Variants in ATXN1 observed in about 807,000 individuals in gnomAD.
ATXN1 encodes ataxin 1, also known as ataxin-1.
ATXN1 carries 8 observed loss-of-function variants against 56.4 expected under a neutral mutation model. The observed-to-expected ratio is 0.14, with a 90% CI of 0.08 to 0.26. The LOEUF (loss-of-function observed/expected upper bound fraction) is 0.26, where lower values mean the gene tolerates loss of function less well. Among genes scored for constraint, ATXN1 ranks in the 10% least tolerant of loss-of-function variants. ATXN1 has a pLI of 1.00. For synonymous variants in ATXN1, 514 were observed against 494.6 expected, an observed-to-expected ratio of 1.04 and a Z score of -0.52; for missense variants, 987 against 1,106.5, an observed-to-expected ratio of 0.89 and a Z score of 1.53.
intron 2 of ATXN1, among the ~76,000 whole-genome samples, chr6:16,745,956 G>GTA (rs1264483785): frequency 3.3e-5 from 5 of 151,800 alleles, no homozygotes; most frequent in Admixed American, 2.0e-4. Context: ...GTGTGTGTGT[G>GTA]TGTGTGTGTG....
In ATXN1 at chr6:16,325,322, TG is replaced by T. The variant is rs549285937; in HGVS notation, c.1917+1071del. On this transcript the variant is annotated intron_variant, in intron 7 of 7. Transcript: ENST00000436367. ...TAGTAGAGACAGGGTTTCACCATGT[TG>T]GCCAGGCCGGTCTCGAACTCCTGAC... Among the ~76,000 whole-genome samples, 281 of 152,152 alleles carry T rather than the reference TG, an allele frequency of 1.8e-3. 1 individual carries two copies. The highest frequency in any genetic ancestry group is 6.2e-3 in the African/African-American group (257 of 41,504).
At chr6:16,750,058 G>C (rs1403712367) in intron 2 of ATXN1, 1 of 152,416 alleles carries the variant, frequency 6.6e-6, no homozygotes, top group Non-Finnish European at 1.5e-5. Flanking sequence ...ATGCAATCTA[G>C]TCAGCAGAGC....
At chr6:16,354,757 G>A (rs1389435498) in intron 6 of ATXN1, among the ~76,000 whole-genome samples, 1 of 152,202 alleles carries the variant, frequency 6.6e-6, no homozygotes, top group Non-Finnish European at 1.5e-5. Context: ...ACCAACAGGT[G>A]CCTGACATCC....
chr6:16,335,731 C>T (rs1045453930), intron 6 of ATXN1, among the ~76,000 whole-genome samples: 1 of 152,054 alleles, frequency 6.6e-6, no homozygotes, highest in African/African-American at 2.4e-5. Flanking sequence ...CAGGTGGGCC[C>T]TCAATTCAAA....
chr6:16,512,459 C>G (rs951605038), intron 5 of ATXN1, among the ~76,000 whole-genome samples: 8 of 152,182 alleles, frequency 5.3e-5, no homozygotes, highest in African/African-American at 1.9e-4. Context: ...CAATGAGGGG[C>G]CTGCACTCCC....
At chr6:16,450,092 A>T (rs771464848) in intron 6 of ATXN1, among the ~76,000 whole-genome samples, 2 of 152,226 alleles carry the variant, frequency 1.3e-5, no homozygotes, top group Non-Finnish European at 2.9e-5. Flanking sequence ...AAAGAAGTAG[A>T]GACTAAAAAT....
At position 16,714,186 on chromosome 6, in the gene ATXN1, CACACACACACA is replaced by C. The variant is rs1561819311; in HGVS notation, c.-615+39036_-615+39046del. Among the ~76,000 whole-genome samples, 18 of 76,358 alleles carry C rather than the reference CACACACACACA, an allele frequency of 2.4e-4. No individual in the cohort carries two copies. In the East Asian group the frequency reaches 3.7e-3, roughly 15 times the overall value. 50.1% of individuals were successfully genotyped at this position (76,358 alleles called of 152,430 possible). ...AAGAAAAAAAAAACCACACACCACA[CACACACACACA>C]CACACACACACACACACACACACAC... On this transcript the variant is annotated intron_variant, in intron 2 of 7. Transcript: ENST00000436367.
At chr6:16,639,737 A>C (rs995895428) in intron 3 of ATXN1, among the ~76,000 whole-genome samples, 14 of 152,348 alleles carry the variant, frequency 9.2e-5, no homozygotes, top group African/African-American at 3.1e-4. Flanking sequence ...ATGCCAACTC[A>C]CTACTTTTAA....
chr6:16,497,582 G>C (rs985765013), intron 5 of ATXN1, among the ~76,000 whole-genome samples: 1 of 152,182 alleles, frequency 6.6e-6, no homozygotes, highest in Non-Finnish European at 1.5e-5. Flanking sequence ...TGCAGGAATC[G>C]CCTGTGCCTG....
At position 16,709,080 on chromosome 6, in the gene ATXN1, A is replaced by G. The variant is rs565932647; in HGVS notation, c.-615+44153T>C. On this transcript the variant is annotated intron_variant, in intron 2 of 7. Transcript: ENST00000436367. ...GAGAAAGGAAGGAGGAAGGAAAATT[A>G]AATCCAAAGTAGGGAAAAAGAAGGA... Among the ~76,000 whole-genome samples, 6 of 152,104 alleles carry G rather than the reference A, an allele frequency of 3.9e-5. No individual in the cohort carries two copies. In the South Asian group the frequency reaches 1.2e-3, roughly 31 times the overall value.
intron 4 of ATXN1, among the ~76,000 whole-genome samples, chr6:16,576,571 T>C (rs9477175): frequency 0.11 from 16,275 of 152,242 alleles, 1,880 homozygotes; most frequent in African/African-American, 0.29. Context: ...CCTGCACATA[T>C]AATGTTACAT....
chr6:16,614,205 C>T lies in ATXN1; in HGVS notation c.-488-28298G>A, dbSNP rs187392700. Reference sequence around the variant, plus strand: ...GACAAGTCAGTCTTTTTGTCATCATCGCATCTTGAGAGTAGAGAGGAAGGG... The same window carrying T: ...GACAAGTCAGTCTTTTTGTCATCATTGCATCTTGAGAGTAGAGAGGAAGGG... On this transcript the variant is annotated intron_variant, in intron 3 of 7. Transcript: ENST00000436367. 7.1e-4 allele frequency among the ~76,000 whole-genome samples: 108 copies of T among 151,818 alleles called. 2 individuals carry two copies. The highest frequency in any genetic ancestry group is 2.4e-3 in the African/African-American group (100 of 41,240).
At chr6:16,480,631 T>C (rs922890933) in intron 6 of ATXN1, among the ~76,000 whole-genome samples, 6 of 152,294 alleles carry the variant, frequency 3.9e-5, no homozygotes, top group Middle Eastern at 6.8e-3. Flanking sequence ...AAATATCATG[T>C]AATTGAGTGA....
chr6:16,647,114 CCT>C (rs1763812464), intron 3 of ATXN1, among the ~76,000 whole-genome samples: 4 of 152,276 alleles, frequency 2.6e-5, no homozygotes. Flanking sequence ...AAGCAATTCT[CCT>C]GTCTCAGACG....
At chr6:16,479,377 T>C (rs542017531) in intron 6 of ATXN1, among the ~76,000 whole-genome samples, 1 of 152,346 alleles carries the variant, frequency 6.6e-6, no homozygotes, top group East Asian at 1.9e-4. Context: ...TCAGGATTTA[T>C]AGAAGATGGA....
chr6:16,308,281 A>G (rs1348212976), intron 7 of ATXN1, among the ~76,000 whole-genome samples: 2 of 150,044 alleles, frequency 1.3e-5, no homozygotes, highest in Non-Finnish European at 3.0e-5. Context: ...AACCGAGATC[A>G]TGCCACTTCA....
At position 16,304,612 on chromosome 6, in the gene ATXN1, T is replaced by C. The variant is rs1473014155; in HGVS notation, c.*1717A>G. Reference sequence around the variant, plus strand: ...CTAAGACCTGGCTTTTTGTGACAGATGTGGTAAAAAGACCAAAATGAATTT... The same window carrying C: ...CTAAGACCTGGCTTTTTGTGACAGACGTGGTAAAAAGACCAAAATGAATTT... On this transcript the variant is annotated 3_prime_UTR_variant, in exon 8 of 8. Transcript: ENST00000436367. 1.3e-5 allele frequency: 2 copies of C among 152,650 alleles called. No individual in the cohort carries two copies. Among genetic ancestry groups the C allele is most frequent in the African/African-American group, 4.8e-5 (2 of 41,452 alleles). 9.5% of individuals were successfully genotyped at this position (152,650 alleles called of 1,614,324 possible). A position where few individuals can be genotyped will look rare whatever the true frequency, so the allele number is the denominator to read the frequency against.
chr6:16,440,196 G>C (rs1759486123), intron 6 of ATXN1, among the ~76,000 whole-genome samples: 1 of 151,792 alleles, frequency 6.6e-6, no homozygotes, highest in Admixed American at 6.6e-5. Context: ...TGGGCAACAT[G>C]GCAAAACCCC....
At position 16,328,239 on chromosome 6, in the gene ATXN1, C is replaced by T. The variant is rs771515999; in HGVS notation, c.72G>A (p.Arg24=). ...PKKREIPATS[R]SSEEKAPTLP... ...GGGTAGGGGCCTTCTCCTCGGAGGA[C>T]CGGCTGGTGGCGGGGATCTCGCGCT... Residue 24 remains arginine (R), a synonymous_variant, in exon 7 of 8, where the codon CGG becomes CGA. Coordinates refer to ENST00000436367, the MANE Select transcript of ATXN1 (RefSeq NM_001128164.2). This position sits in a 1 kb window ranked among gnomAD's most constrained non-coding sequence, Gnocchi z 6.2. The T allele has an allele frequency of 1.3e-6, 2 of 1,561,196 alleles. No individual in the cohort carries two copies. The highest frequency in any genetic ancestry group is 1.9e-5 in the Admixed American group (1 of 52,352).
Sources: gnomAD v4.1 joint callset for allele counts (sites outside exome capture counted in the v4.1 genomes callset) on GRCh38, gnomAD v4.1.1 for gene constraint, Gnocchi (gnomAD v3.1) non-coding constraint, MANE v1.5 for transcripts, NCBI Gene and HGNC (gene_info 2026-07-23, HGNC 2026-07-21) for gene names.